PCSK5: variants seen among roughly 807,000 people sequenced by gnomAD.
PCSK5 encodes the protein prohormone convertase 5.
In PCSK5, 129 loss-of-function variants were observed where a neutral mutation model predicts 233.2. The ratio of observed to expected loss-of-function variants is 0.55; its 90% CI spans 0.48 to 0.64. The LOEUF is 0.64. PCSK5 is among the 30% of genes least tolerant of loss of function. PCSK5 has a pLI of 0.00. For synonymous variants in PCSK5, 825 were observed against 879.2 expected (o/e 0.94, Z 1.09); for missense variants, 2,076 against 2,430.1 (o/e 0.85, Z 3.06).
intron 24 of PCSK5, among the ~76,000 whole-genome samples, chr9:76,251,837 G>A (rs2131345845): frequency 6.6e-6 from 1 of 152,154 alleles, no homozygotes; most frequent in Non-Finnish European, 1.5e-5. Context: ...CACTAGGCTG[G>A]TAACTAGTAG....
intron 24 of PCSK5, among the ~76,000 whole-genome samples, chr9:76,265,300 T>TG (rs767648912): frequency 3.3e-5 from 5 of 151,992 alleles, no homozygotes; most frequent in Non-Finnish European, 5.9e-5. Flanking sequence ...AACTAACTAC[T>TG]GGGTACTAAG....
At chr9:76,126,167 C>CTGCG in intron 9 of PCSK5, among the ~76,000 whole-genome samples, 1 of 61,582 alleles carries the variant, frequency 1.6e-5, no homozygotes. Flanking sequence ...TGATTTTTTC[C>CTGCG]TGCGTGTGTG....
intron 31 of PCSK5, among the ~76,000 whole-genome samples, chr9:76,322,710 T>G (rs1829243336): frequency 6.6e-6 from 1 of 152,240 alleles, no homozygotes; most frequent in Non-Finnish European, 1.5e-5. Context: ...ATACAATTTT[T>G]TAAATCTGTT....
intron 8 of PCSK5, among the ~76,000 whole-genome samples, chr9:76,102,985 A>C (rs1315609953): frequency 6.6e-6 from 1 of 152,208 alleles, no homozygotes; most frequent in Admixed American, 6.5e-5. Flanking sequence ...CTCCATTTGT[A>C]AGCAAAATCT....
intron 2 of PCSK5, among the ~76,000 whole-genome samples, chr9:75,956,778 C>G (rs989156299): frequency 2.0e-5 from 3 of 149,584 alleles, no homozygotes; most frequent in Non-Finnish European, 3.0e-5. Flanking sequence ...TGGTCCGCCT[C>G]TCGTTGAAGT....
rs1477658781 is a variant in PCSK5 at position 76,227,554 on chromosome 9, C to A, written c.2678C>A (p.Ala893Asp). ...TGCCAGACCTGTGAGGCCTCATGTG[C>A]CAAGTGCCAGGGACCAACCCAGGAA... ...GHCQTCEASCAKCQGPTQEDC... is the reference protein window; with the variant it reads ...GHCQTCEASCDKCQGPTQEDC... Residue 893 changes from alanine to aspartate, a missense_variant, in exon 21 of 38, where the codon GCC (alanine) becomes GAC (aspartate). By Grantham distance (126) the Ala-to-Asp change is moderately radical. Coordinates refer to ENST00000674117, the MANE Select transcript of PCSK5 (RefSeq NM_001372043.1). The A allele has an allele frequency of 4.3e-6, 7 of 1,611,946 alleles. 1 individual carries two copies. The South Asian group carries it at 7.7e-5, about 18-fold the overall frequency.
rs978085642 is a variant in PCSK5, at chr9:76,135,525, T to A, written c.1312+1313T>A. Among the ~76,000 whole-genome samples, 6 of 152,088 alleles carry A rather than the reference T, an allele frequency of 3.9e-5. No individual in the cohort carries two copies. The South Asian group carries it at 1.2e-3, about 31-fold the overall frequency. On this transcript the variant is annotated intron_variant, in intron 10 of 37. Transcript: ENST00000674117. ...TGAACTTTTAATCTAGAGTTGTAAA[T>A]ACCCGTTGGCATTGCATTCTCTGAA...
chr9:75,948,180 C>T (rs914274086), intron 2 of PCSK5, among the ~76,000 whole-genome samples: 2 of 151,996 alleles, frequency 1.3e-5, no homozygotes, highest in Admixed American at 6.6e-5. Context: ...TTTTATTATA[C>T]TTTAAGTTCT....
chr9:76,156,035 TTAAG>T (rs1472204097), intron 10 of PCSK5, among the ~76,000 whole-genome samples: 1 of 152,202 alleles, frequency 6.6e-6, no homozygotes, highest in Non-Finnish European at 1.5e-5. Flanking sequence ...GCTGATGTAT[TTAAG>T]TAATCCATAA....
intron 20 of PCSK5, among the ~76,000 whole-genome samples, chr9:76,220,494 T>A (rs1587773202): frequency 7.7e-6 from 1 of 130,332 alleles, no homozygotes; most frequent in Non-Finnish European, 1.5e-5. Context: ...GCCACAGCAC[T>A]CCAGCCTGGG....
chr9:76,186,924 T>C (rs1474233601), intron 17 of PCSK5, among the ~76,000 whole-genome samples: 1 of 152,152 alleles, frequency 6.6e-6, no homozygotes, highest in Non-Finnish European at 1.5e-5. Context: ...CTTAGTCTCC[T>C]TGAGGCCCCT....
chr9:76,319,239 C>T (rs903971833), intron 30 of PCSK5, among the ~76,000 whole-genome samples: 8 of 151,896 alleles, frequency 5.3e-5, no homozygotes, highest in African/African-American at 1.2e-4. Flanking sequence ...CCAAGGTGGG[C>T]GGATCACGAG....
chr9:76,158,168 A>C (rs797015039), intron 11 of PCSK5, among the ~76,000 whole-genome samples: 15 of 152,366 alleles, frequency 9.8e-5, no homozygotes, highest in African/African-American at 3.6e-4. Flanking sequence ...AATAATAAGT[A>C]TATAATTACA....
Position 76,013,005 on chromosome 9 carries a change from G to T in PCSK5, c.412-10733G>T, listed in dbSNP as rs1827794863. On this transcript the variant is annotated intron_variant, in intron 3 of 37. Coordinates refer to ENST00000674117, the MANE Select transcript of PCSK5 (RefSeq NM_001372043.1). ...TTGAGCCAGTAATCTCGTAGATCTA[G>T]AGAGAAGCAAAGCCAAAAAAATCTG... Among the ~76,000 whole-genome samples the T allele has an allele frequency of 2.0e-5, 3 of 152,258 alleles. No homozygotes were observed. The South Asian group carries it at 6.2e-4, about 32-fold the overall frequency.
intron 2 of PCSK5, among the ~76,000 whole-genome samples, chr9:75,957,737 A>T (rs1397558959): frequency 2.6e-5 from 4 of 152,206 alleles, no homozygotes; most frequent in Non-Finnish European, 5.9e-5. Flanking sequence ...TCTCATTTTT[A>T]AAATCTAAAA....
chr9:76,026,907 G>C, intron 4 of PCSK5, 54 bp from the exon 5 acceptor site: 1 of 1,206,028 alleles, frequency 8.3e-7, no homozygotes, highest in Non-Finnish European at 1.2e-6. Flanking sequence ...TGGGTCATTG[G>C]CTAATTAATG....
intron 2 of PCSK5, among the ~76,000 whole-genome samples, chr9:75,976,204 A>G (rs1432036343): frequency 1.3e-5 from 2 of 151,538 alleles, no homozygotes; most frequent in African/African-American, 4.9e-5. Context: ...GTATTTAATG[A>G]GTTCTCATCA....
rs375987135 is a variant in PCSK5, at chr9:76,189,236, G to T, written c.2510+13G>T. ...AATCCTGCAAAAAGTAAGTGGATCT[G>T]CCCCCTGGGCCCTAGCATTTAGACC... On this transcript the variant is annotated intron_variant, in intron 19 of 37. Transcript: ENST00000674117. 5.3e-5 allele frequency: 85 copies of T among 1,608,856 alleles called. No homozygotes were observed. Among genetic ancestry groups the T allele is most frequent in the Non-Finnish European group, 7.0e-5 (82 of 1,178,308 alleles).
intron 6 of PCSK5, among the ~76,000 whole-genome samples, chr9:76,071,402 T>C (rs574006927): frequency 6.6e-6 from 1 of 152,266 alleles, no homozygotes; most frequent in East Asian, 1.9e-4. Context: ...GGGAGATGGA[T>C]TGCTTGAAGA....
Sources: gnomAD v4.1 joint callset for allele counts (sites outside exome capture counted in the v4.1 genomes callset) on GRCh38, gnomAD v4.1.1 for gene constraint, MANE v1.5 for transcripts, NCBI Gene and HGNC (gene_info 2026-07-23, HGNC 2026-07-21) for gene names.